Variants in DRD3 observed in about 807,000 individuals in gnomAD.
DRD3 encodes D(3) dopamine receptor.
Under a neutral mutation model 36.3 loss-of-function variants are expected in DRD3, and 19 were observed. That is an observed-to-expected ratio of 0.52 (90% CI 0.36 to 0.77). The LOEUF (loss-of-function observed/expected upper bound fraction) is 0.77, where lower values mean the gene tolerates loss of function less well. Among genes scored for constraint, DRD3 ranks in the 30% least tolerant of loss-of-function variants. The pLI, the probability that DRD3 is intolerant of heterozygous loss-of-function variation, is 0.00. For missense variants in DRD3, 465 were observed against 505.3 expected, an observed-to-expected ratio of 0.92 and a Z score of 0.77; for synonymous variants, 195 against 203.7, an observed-to-expected ratio of 0.96 and a Z score of 0.36.
rs112174243 is a variant in DRD3, at chr3:114,177,070, G to A, written c.-36+1587C>T. ...ATGCCACTTAACTATGCCACTTTTT[G>A]GGGTGAGGCAGACAAATGTGAAATG... is the stretch of plus-strand genomic sequence containing the variant. On this transcript the variant is annotated intron_variant, in intron 1 of 6. Transcript: ENST00000383673. 4.4e-3 allele frequency among the ~76,000 whole-genome samples: 666 copies of A among 152,200 alleles called. 5 individuals are homozygous for A. Among genetic ancestry groups the A allele is most frequent in the African/African-American group, 0.014 (599 of 41,518 alleles).
intron 3 of DRD3, among the ~76,000 whole-genome samples, chr3:114,155,065 T>A (rs1451406883): frequency 6.6e-6 from 1 of 152,212 alleles, no homozygotes; most frequent in African/African-American, 2.4e-5. Flanking sequence ...TTCTTTCATA[T>A]CTCTTTCCAC....
Position 114,159,729 on chromosome 3 carries a change from A to G in DRD3, c.383+26T>C, listed in dbSNP as rs202135599. 3.0e-3 allele frequency: 4,871 copies of G among 1,606,850 alleles called. 50 individuals carry two copies. Among genetic ancestry groups the G allele is most frequent in the South Asian group, 0.022 (2,035 of 90,838 alleles). Reference sequence around the variant, plus strand: ...TCCCCACTTCCCCAGCTTTTGGGCCACCTGGAAGGGGAATTGCAGCCCTAC... The same window carrying G: ...TCCCCACTTCCCCAGCTTTTGGGCCGCCTGGAAGGGGAATTGCAGCCCTAC... On this transcript the variant is annotated intron_variant, in intron 3 of 6. Coordinates refer to ENST00000383673, the MANE Select transcript of DRD3 (RefSeq NM_000796.6).
At chr3:114,151,355 T>C (rs771682597) in intron 3 of DRD3, among the ~76,000 whole-genome samples, 2 of 152,164 alleles carry the variant, frequency 1.3e-5, no homozygotes, top group Non-Finnish European at 2.9e-5. Flanking sequence ...TGTCCTTTGA[T>C]GTAAAAGAGC....
upstream of DRD3, among the ~76,000 whole-genome samples, chr3:114,179,527 C>A (rs1303993346): frequency 1.3e-5 from 2 of 151,920 alleles, no homozygotes; most frequent in African/African-American, 4.8e-5. Flanking sequence ...ACATAGATAC[C>A]TTTTTTAAAA....
chr3:114,156,785 TTC>T (rs1250897111), intron 3 of DRD3, among the ~76,000 whole-genome samples: 12 of 126,994 alleles, frequency 9.4e-5, no homozygotes, highest in Admixed American at 2.4e-4. Flanking sequence ...CTTTCTTTCT[TTC>T]TTTCTTTCTT....
chr3:114,198,266 G>C (rs2078047635), intron 1 of DRD3, among the ~76,000 whole-genome samples: 1 of 150,156 alleles, frequency 6.7e-6, no homozygotes. Context: ...GTCTCACTCT[G>C]TCACCCAGGC....
At chr3:114,147,042 T>C (rs2077575393) in intron 4 of DRD3, among the ~76,000 whole-genome samples, 1 of 152,206 alleles carries the variant, frequency 6.6e-6, no homozygotes, top group Non-Finnish European at 1.5e-5. Context: ...TTATTTTGCA[T>C]TGTAGGTCTG....
intron 1 of DRD3, among the ~76,000 whole-genome samples, chr3:114,196,193 T>C (rs1039075887): frequency 6.6e-6 from 1 of 152,256 alleles, no homozygotes; most frequent in Non-Finnish European, 1.5e-5. Flanking sequence ...TAATGCTAAG[T>C]AGTATCCCAT....
chr3:114,183,543 T>C (rs1377085153), upstream of DRD3, among the ~76,000 whole-genome samples: 1 of 152,212 alleles, frequency 6.6e-6, no homozygotes, highest in Non-Finnish European at 1.5e-5. Flanking sequence ...CAACTATTAA[T>C]GTAGAATTGT....
intron 6 of DRD3, 56 bp downstream of exon 6, chr3:114,131,062 C>T (rs1469573716): frequency 9.2e-6 from 12 of 1,310,878 alleles, no homozygotes; most frequent in African/African-American, 1.6e-5. Context: ...ACCAGCTCCA[C>T]TTAACTTAAC....
chr3:114,198,207 T>A (rs1402173202), intron 1 of DRD3, among the ~76,000 whole-genome samples: 1 of 151,772 alleles, frequency 6.6e-6, no homozygotes, highest in Admixed American at 6.6e-5. Flanking sequence ...TTATAAATGA[T>A]ATTGTTTCAT....
rs766862523 is a variant in DRD3, at chr3:114,159,839, C to T, written c.299G>A (p.Arg100His). The T allele has an allele frequency of 5.0e-6, 8 of 1,614,042 alleles. No homozygotes were observed. Among genetic ancestry groups the T allele is most frequent in the Non-Finnish European group, 5.9e-6 (7 of 1,179,960 alleles). Residue 100 changes from arginine to histidine, a missense_variant, in exon 3 of 7, where the codon CGC becomes CAC. Physicochemically the swap from Arg to His is conservative, Grantham distance 29. Coordinates refer to ENST00000383673, the MANE Select transcript of DRD3 (RefSeq NM_000796.6). ...EVTGGVWNFS[R>H]ICCDVFVTLD... ...GGTGACAAAAACATCACAGCAAATG[C>T]GGCTGAAATTCCAGACTCCACCTGT... is the stretch of plus-strand genomic sequence containing the variant.
At chr3:114,192,038 A>G (rs1160976913) in intron 1 of DRD3, among the ~76,000 whole-genome samples, 1 of 152,184 alleles carries the variant, frequency 6.6e-6, no homozygotes. Flanking sequence ...AAGCTTTATA[A>G]TGGAAAAAAA....
intron 5 of DRD3, among the ~76,000 whole-genome samples, chr3:114,133,216 T>C (rs558621156): frequency 3.3e-5 from 5 of 152,340 alleles, no homozygotes; most frequent in Admixed American, 6.5e-5. Flanking sequence ...CGCAAACTCC[T>C]GACCTCATGT....
chr3:114,137,184 T>C (rs1254488783), intron 5 of DRD3, among the ~76,000 whole-genome samples: 1 of 152,138 alleles, frequency 6.6e-6, no homozygotes, highest in East Asian at 1.9e-4. Context: ...GATAAGCCAG[T>C]ATTGTGGGAA....
intron 3 of DRD3, 99 bp downstream of exon 3, chr3:114,159,656 G>C: frequency 1.1e-6 from 1 of 886,198 alleles, no homozygotes; most frequent in Non-Finnish European, 1.8e-6. Flanking sequence ...CCAGTGTCAA[G>C]TTCTACTTGG....
intron 1 of DRD3, among the ~76,000 whole-genome samples, chr3:114,184,977 A>G (rs2077967737): frequency 6.6e-6 from 1 of 152,212 alleles, no homozygotes; most frequent in Non-Finnish European, 1.5e-5. Flanking sequence ...AAAGTTTCTC[A>G]TGAGAAATTT....
chr3:114,152,944 C>G (rs1577599034), intron 3 of DRD3, among the ~76,000 whole-genome samples: 1 of 152,266 alleles, frequency 6.6e-6, no homozygotes, highest in East Asian at 1.9e-4. Context: ...TCCGGACCTG[C>G]CAGCCTCGCA....
chr3:114,156,791 CTTTCTTTCTCTTTTCTT>C (rs2077680322), intron 3 of DRD3, among the ~76,000 whole-genome samples: 1 of 81,686 alleles, frequency 1.2e-5, no homozygotes, highest in Non-Finnish European at 2.6e-5. Flanking sequence ...TTCTTTCTTT[CTTTCTTTCTCTTTTCTT>C]TTTCTTTCTT....
Sources: gnomAD v4.1 joint callset for allele counts (sites outside exome capture counted in the v4.1 genomes callset) on GRCh38, gnomAD v4.1.1 for gene constraint, MANE v1.5 for transcripts, NCBI Gene and HGNC (gene_info 2026-07-23, HGNC 2026-07-21) for gene names.